NAALADL2: variants seen among roughly 807,000 people sequenced by gnomAD.
The protein encoded by NAALADL2 is N-acetylated alpha-linked acidic dipeptidase like 2.
Under a neutral mutation model 87.2 loss-of-function variants are expected in NAALADL2, and 76 were observed. That is an observed-to-expected ratio of 0.87 (90% confidence interval 0.72 to 1.05). The LOEUF is 1.05. Ranked by LOEUF, NAALADL2 falls within the 50% of genes least tolerant of loss-of-function variation. The pLI, the probability that NAALADL2 is intolerant of heterozygous loss-of-function variation, is 0.00. For synonymous variants in NAALADL2, 354 were observed against 331.0 expected (o/e 1.07, Z -0.75); for missense variants, 1,089 against 945.8 (o/e 1.15, Z -1.99).
chr3:175,052,678 AAT>A (rs200088515), intron 1 of NAALADL2, among the ~76,000 whole-genome samples: 17,165 of 152,128 alleles, frequency 0.11, 1,194 homozygotes, highest in East Asian at 0.25. Flanking sequence ...TTGTTCTTTT[AAT>A]ATTTTGCAAT....
intron 5 of NAALADL2, among the ~76,000 whole-genome samples, chr3:175,353,037 G>A (rs1009937103): frequency 4.0e-5 from 6 of 151,276 alleles, no homozygotes; most frequent in Admixed American, 2.0e-4. Context: ...AGGATGATAT[G>A]GAATTTCTGT....
intron 11 of NAALADL2, among the ~76,000 whole-genome samples, chr3:175,723,198 C>T (rs1397084823): frequency 2.6e-5 from 4 of 152,076 alleles, no homozygotes; most frequent in Non-Finnish European, 5.9e-5. Context: ...GGCTAAAATC[C>T]ACTTCAGGTT....
chr3:175,423,914 C>T (rs1443142331), intron 5 of NAALADL2, among the ~76,000 whole-genome samples: 1 of 152,160 alleles, frequency 6.6e-6, no homozygotes, highest in African/African-American at 2.4e-5. Context: ...TGTCCACATC[C>T]TCTCCAGCAC....
intron 1 of NAALADL2, among the ~76,000 whole-genome samples, chr3:174,478,882 G>A (rs1197244102): frequency 6.6e-6 from 1 of 151,958 alleles, no homozygotes; most frequent in Non-Finnish European, 1.5e-5. Context: ...CAGCTAATTT[G>A]TGTTTTAGTA....
intron 5 of NAALADL2, among the ~76,000 whole-genome samples, chr3:175,428,221 G>C (rs556355149): frequency 5.4e-4 from 82 of 152,098 alleles, no homozygotes; most frequent in Non-Finnish European, 8.8e-4. Context: ...CTTGACTTCT[G>C]TACAGTAGTG....
At chr3:175,155,315 A>T (rs1221281710) in intron 2 of NAALADL2, among the ~76,000 whole-genome samples, 4 of 152,162 alleles carry the variant, frequency 2.6e-5, no homozygotes, top group African/African-American at 9.7e-5. Context: ...TTTGTGTAAC[A>T]GCTGTAGCAG....
intron 1 of NAALADL2, among the ~76,000 whole-genome samples, chr3:174,882,883 GTATA>G (rs1729592298): frequency 6.8e-6 from 1 of 148,106 alleles, no homozygotes; most frequent in African/African-American, 2.5e-5. Flanking sequence ...GTGTATATGT[GTATA>G]TATGTATATA....
At chr3:174,487,722 T>G (rs2108343206) in intron 1 of NAALADL2, among the ~76,000 whole-genome samples, 1 of 151,488 alleles carries the variant, frequency 6.6e-6, no homozygotes, top group Non-Finnish European at 1.5e-5. Flanking sequence ...CAATAGTAAG[T>G]AGTACAGATT....
chr3:175,418,350 A>G (rs1281131650), intron 5 of NAALADL2, among the ~76,000 whole-genome samples: 1 of 152,124 alleles, frequency 6.6e-6, no homozygotes, highest in Non-Finnish European at 1.5e-5. Context: ...TTAAAAATAA[A>G]GAAGTTTTCC....
At chr3:175,095,545 T>C (rs1027249125) in intron 1 of NAALADL2, among the ~76,000 whole-genome samples, 1 of 151,992 alleles carries the variant, frequency 6.6e-6, no homozygotes, top group Admixed American at 6.6e-5. Flanking sequence ...TAATATTTAG[T>C]TATATTTGAA....
chr3:175,410,828 G>T (rs1055912366), intron 5 of NAALADL2, among the ~76,000 whole-genome samples: 1 of 152,144 alleles, frequency 6.6e-6, no homozygotes, highest in African/African-American at 2.4e-5. Flanking sequence ...CATAGGTTAC[G>T]ATGCTGTGAA....
At chr3:174,834,254 A>G (rs1723068672) in intron 3 of NAALADL2, among the ~76,000 whole-genome samples, 1 of 147,544 alleles carries the variant, frequency 6.8e-6, no homozygotes, top group Non-Finnish European at 1.5e-5. Context: ...CCAAAATTTA[A>G]TGCCCATTTA....
rs1344278787 is a variant in NAALADL2, at chr3:175,206,265, T to A, written c.546-27666T>A. Among the ~76,000 whole-genome samples the A allele has an allele frequency of 9.7e-4, 90 of 92,730 alleles. 1 individual carries two copies. The highest frequency in any genetic ancestry group is 3.7e-3 in the South Asian group (11 of 2,984). The allele number at this position is 92,730 out of a possible 152,430, so 60.8% of individuals were successfully genotyped here. A position where few individuals can be genotyped will look rare whatever the true frequency, so the allele number is the denominator to read the frequency against. On this transcript the variant is annotated intron_variant, in intron 2 of 13. Coordinates refer to ENST00000454872, the MANE Select transcript of NAALADL2 (RefSeq NM_207015.3). ...AAAACTATATATATATATATATATT[T>A]TTTTTTTTCACTGTGTGTGTGTATG...
chr3:175,295,753 T>C (rs1343537646), intron 4 of NAALADL2, among the ~76,000 whole-genome samples: 3 of 144,690 alleles, frequency 2.1e-5, no homozygotes, highest in Admixed American at 6.9e-5. Context: ...ACACTCCCTC[T>C]CTCTCTCTCT....
chr3:174,758,171 C>T (rs1409716774), intron 3 of NAALADL2, among the ~76,000 whole-genome samples: 1 of 152,152 alleles, frequency 6.6e-6, no homozygotes, highest in Non-Finnish European at 1.5e-5. Flanking sequence ...CCCTTTGGTA[C>T]TCAAAAAGAG....
intron 1 of NAALADL2, among the ~76,000 whole-genome samples, chr3:174,979,393 C>CCATT (rs1379078100): frequency 6.7e-6 from 1 of 149,744 alleles, no homozygotes; most frequent in Non-Finnish European, 1.5e-5. Context: ...GCAAGCTCCG[C>CCATT]CTCCTGGGTT....
intron 2 of NAALADL2, among the ~76,000 whole-genome samples, chr3:174,559,081 G>A (rs1333040404): frequency 6.6e-6 from 1 of 152,116 alleles, no homozygotes; most frequent in Admixed American, 6.5e-5. Context: ...AAGTGGCTAT[G>A]ACAGACCATT....
At chr3:175,731,251 A>G (rs1342161549) in intron 11 of NAALADL2, among the ~76,000 whole-genome samples, 1 of 152,184 alleles carries the variant, frequency 6.6e-6, no homozygotes, top group Non-Finnish European at 1.5e-5. Flanking sequence ...TTTTTTTTAT[A>G]TGAACATGGT....
At chr3:175,073,334 G>T (rs1196744639) in intron 1 of NAALADL2, among the ~76,000 whole-genome samples, 1 of 152,040 alleles carries the variant, frequency 6.6e-6, no homozygotes, top group Non-Finnish European at 1.5e-5. Flanking sequence ...TAACAAAGAA[G>T]TGATTGCAAA....
Sources: allele counts gnomAD v4.1 joint callset (sites outside exome capture counted in the v4.1 genomes callset), GRCh38; gene constraint gnomAD v4.1.1; transcripts MANE v1.5; gene names NCBI Gene and HGNC (gene_info 2026-07-23, HGNC 2026-07-21).